Variants in TMEM243 observed in about 807,000 individuals in gnomAD.
TMEM243 encodes the protein MDR1 and mitochondrial taxol resistance associated.
A neutral mutation model predicts 15.0 loss-of-function variants in TMEM243; 20 were observed. That is an observed-to-expected ratio of 1.33 (90% CI 0.94 to 1.93). The LOEUF (loss-of-function observed/expected upper bound fraction) is 1.93, where lower values mean the gene tolerates loss of function less well. Among genes scored for constraint, TMEM243 ranks in the 30% most tolerant of loss-of-function variants. The pLI, the probability that TMEM243 is intolerant of heterozygous loss-of-function variation, is 0.00. For missense variants in TMEM243, 156 were observed against 142.1 expected, an observed-to-expected ratio of 1.10 and a Z score of -0.50; for synonymous variants, 72 against 52.7, an observed-to-expected ratio of 1.37 and a Z score of -1.59.
At chr7:87,199,088 G>A (rs944316520) in intron 1 of TMEM243, 31 bp from the exon 2 acceptor site, 1 of 1,582,608 alleles carries the variant, frequency 6.3e-7, no homozygotes, top group Non-Finnish European at 8.6e-7. Flanking sequence ...TAAGCCATAT[G>A]ACTTGGATCC....
intron 1 of TMEM243, among the ~76,000 whole-genome samples, chr7:87,205,156 A>AG (rs1398067040): frequency 1.3e-5 from 2 of 152,188 alleles, no homozygotes; most frequent in Non-Finnish European, 1.5e-5. Context: ...CATACAGCAG[A>AG]GGGGGGCCTG....
At chr7:87,197,885 T>C in intron 3 of TMEM243, 56 bp downstream of exon 3, 2 of 1,611,074 alleles carry the variant, frequency 1.2e-6, no homozygotes, top group Non-Finnish European at 1.7e-6. Context: ...ATTTTTGTCC[T>C]GTGCATTGCA....
At chr7:87,211,438 C>T (rs1802739679) in intron 1 of TMEM243, among the ~76,000 whole-genome samples, 1 of 152,150 alleles carries the variant, frequency 6.6e-6, no homozygotes, top group Non-Finnish European at 1.5e-5. Context: ...TGATTCAGAC[C>T]CTTGAGCCAC....
chr7:87,219,069 C>T (rs2286268), intron 1 of TMEM243, among the ~76,000 whole-genome samples: 127,612 of 151,916 alleles, frequency 0.84, 53,826 homozygotes, highest in Middle Eastern at 0.95. Context: ...TCAGGAAGCT[C>T]TGGGCGCACA....
chr7:87,215,993 A>G (rs1803085450), intron 1 of TMEM243, among the ~76,000 whole-genome samples: 1 of 152,112 alleles, frequency 6.6e-6, no homozygotes, highest in Admixed American at 6.5e-5. Flanking sequence ...AAAAAGGGCC[A>G]GGCGTGGTGG....
chr7:87,209,482 T>A (rs367900896), intron 1 of TMEM243, among the ~76,000 whole-genome samples: 3 of 112,622 alleles, frequency 2.7e-5, no homozygotes, highest in African/African-American at 1.1e-4. Context: ...GAGAGTGAGA[T>A]AGTGAGAGAG....
rs1227052216 is a variant in TMEM243 at position 87,207,575 on chromosome 7, C to G, written c.79-8518G>C. On this transcript the variant is annotated intron_variant, in intron 1 of 3. Coordinates refer to ENST00000257637, the MANE Select transcript of TMEM243 (RefSeq NM_024315.4). ...TGCGCCACTGCACTCCCACCTGGGC[C>G]ACAGAGCGAGACTCCGTCTCAAAAA... is the stretch of plus-strand genomic sequence containing the variant. Among the ~76,000 whole-genome samples, 2 of 4,232 alleles carry G rather than the reference C, an allele frequency of 4.7e-4. 1 individual carries two copies. Among genetic ancestry groups the G allele is most frequent in the African/African-American group, 1.6e-3 (2 of 1,234 alleles). The allele number at this position is 4,232 out of a possible 152,430, so 2.8% of individuals were successfully genotyped here. A position where few individuals can be genotyped will look rare whatever the true frequency, so the allele number is the denominator to read the frequency against.
At chr7:87,209,992 G>A (rs546659881) in intron 1 of TMEM243, among the ~76,000 whole-genome samples, 121 of 113,158 alleles carry the variant, frequency 1.1e-3, no homozygotes, top group African/African-American at 3.8e-3. Context: ...GAGAGACAGA[G>A]GAGAGGGAGG....
chr7:87,197,608 G>T, intron 3 of TMEM243: 2 of 656,938 alleles, frequency 3.0e-6, no homozygotes, highest in South Asian at 3.7e-5. Flanking sequence ...ATTTCCCAAA[G>T]ACTGTTGGCC....
chr7:87,213,927 G>A (rs558306654), intron 1 of TMEM243, among the ~76,000 whole-genome samples: 4 of 152,090 alleles, frequency 2.6e-5, no homozygotes, highest in Non-Finnish European at 5.9e-5. Flanking sequence ...TTCAGTGTAT[G>A]TACCTTCTCC....
rs1801250661 is a variant in TMEM243 at position 87,196,519 on chromosome 7, TGAAAATCATGTATCAGACTTCTGCAG to T, written c.*91_*116del. ...AGGGAATTAACATTTACAATTAACA[TGAAAATCATGTATCAGACTTCTGCAG>T]GAGATTCTTCAGCATACCTTATCCA... On this transcript the variant is annotated 3_prime_UTR_variant, in exon 4 of 4. Transcript: ENST00000257637. 1 of 1,026,918 alleles carries T rather than the reference TGAAAATCATGTATCAGACTTCTGCAG, an allele frequency of 9.7e-7. No individual in the cohort carries two copies. 63.6% of individuals were successfully genotyped at this position (1,026,918 alleles called of 1,614,324 possible).
At chr7:87,209,669 A>ACAGT (rs1562884952) in intron 1 of TMEM243, among the ~76,000 whole-genome samples, 2 of 98,566 alleles carry the variant, frequency 2.0e-5, no homozygotes, top group African/African-American at 8.3e-5. Flanking sequence ...AGCGAGAGAG[A>ACAGT]GCGAGAGCGA....
intron 1 of TMEM243, among the ~76,000 whole-genome samples, chr7:87,214,911 T>C (rs542845707): frequency 6.6e-6 from 1 of 152,368 alleles, no homozygotes; most frequent in African/African-American, 2.4e-5. Flanking sequence ...TTTATATTTT[T>C]AAAATTTTTG....
At chr7:87,206,264 T>A (rs1022177444) in intron 1 of TMEM243, among the ~76,000 whole-genome samples, 3 of 152,126 alleles carry the variant, frequency 2.0e-5, no homozygotes, top group Non-Finnish European at 4.4e-5. Flanking sequence ...GCAAACCATA[T>A]CATCATCCTT....
intron 1 of TMEM243, among the ~76,000 whole-genome samples, chr7:87,201,094 T>C (rs1801771616): frequency 6.6e-6 from 1 of 152,210 alleles, no homozygotes; most frequent in African/African-American, 2.4e-5. Flanking sequence ...TTCATGAATA[T>C]CAGTTATTGT....
At chr7:87,212,031 T>C (rs1343535872) in intron 1 of TMEM243, among the ~76,000 whole-genome samples, 5 of 152,226 alleles carry the variant, frequency 3.3e-5, no homozygotes. Flanking sequence ...CACTGCTACA[T>C]GTGGACCTGT....
intron 1 of TMEM243, among the ~76,000 whole-genome samples, chr7:87,200,946 C>T (rs1391714086): frequency 6.6e-6 from 1 of 152,230 alleles, no homozygotes; most frequent in Non-Finnish European, 1.5e-5. Context: ...ATGATTTCCT[C>T]ATGGGTGACT....
In TMEM243 at chr7:87,196,843, A is replaced by T. The variant is rs189574578; in HGVS notation, c.235-85T>A. 4.5e-5 allele frequency: 41 copies of T among 920,908 alleles called. No homozygotes were observed. The Admixed American group carries it at 5.5e-4, about 12-fold the overall frequency. The allele number at this position is 920,908 out of a possible 1,614,324, so 57.0% of individuals were successfully genotyped here. A position where few individuals can be genotyped will look rare whatever the true frequency, so the allele number is the denominator to read the frequency against. On this transcript the variant is annotated intron_variant, in intron 3 of 3. Transcript: ENST00000257637. ...TTTCAAATTTCATTAGTATTTGTTTATTCCCCTAAATGAGACAGACATTCT... is the reference window on the plus strand; with the variant it reads ...TTTCAAATTTCATTAGTATTTGTTTTTTCCCCTAAATGAGACAGACATTCT...
intron 1 of TMEM243, among the ~76,000 whole-genome samples, chr7:87,204,962 G>T (rs1021153152): frequency 1.3e-5 from 2 of 152,232 alleles, no homozygotes; most frequent in Non-Finnish European, 2.9e-5. Context: ...AGGTGTTTCT[G>T]TATGTCCTCT....
Sources: allele counts gnomAD v4.1 joint callset (sites outside exome capture counted in the v4.1 genomes callset), GRCh38; gene constraint gnomAD v4.1.1; transcripts MANE v1.5; gene names NCBI Gene and HGNC (gene_info 2026-07-23, HGNC 2026-07-21).